The following METTL15 variants were observed in gnomAD, a reference collection of about 807,000 sequenced individuals.
METTL15 encodes 12S rRNA N(4)-cytidine methyltransferase METTL15.
A neutral mutation model predicts 38.3 loss-of-function variants in METTL15; 34 were observed. That is an observed-to-expected ratio of 0.89 (90% CI 0.68 to 1.18). The LOEUF is 1.18. METTL15 is among the 50% of genes most tolerant of loss of function. The pLI is 0.00. For synonymous variants in METTL15, 162 were observed against 170.9 expected (o/e 0.95, Z 0.41); for missense variants, 438 against 498.4 (o/e 0.88, Z 1.15).
rs1200447601 is a variant in METTL15 at position 28,374,263 on chromosome 11, C to A, written c.*358+12227C>A. 2.0e-5 allele frequency among the ~76,000 whole-genome samples: 3 copies of A among 151,976 alleles called. No individual in the cohort carries two copies. The East Asian group carries it at 5.8e-4, about 29-fold the overall frequency. ...CTGTAAATTACCTTGGGCAGTATGG[C>A]CATTTTCAGGATACTGATTCTTCCT... On this transcript the variant is annotated intron_variant and NMD_transcript_variant, in intron 5 of 7. Coordinates refer to the METTL15 transcript ENST00000532947.
intron 6 of METTL15, among the ~76,000 whole-genome samples, chr11:28,307,659 A>T (rs527443888): frequency 6.6e-6 from 1 of 151,972 alleles, no homozygotes; most frequent in Non-Finnish European, 1.5e-5. Flanking sequence ...CAGTTTTCTC[A>T]TTAGCAAAGT....
chr11:28,280,950 C>T (rs558095041), intron 4 of METTL15, among the ~76,000 whole-genome samples: 1 of 152,076 alleles, frequency 6.6e-6, no homozygotes, highest in African/African-American at 2.4e-5. Context: ...ATCTTATAGT[C>T]CATTCTGATA....
intron 5 of METTL15, among the ~76,000 whole-genome samples, chr11:28,368,152 C>CAAAAAAAAAAA (rs572862749): frequency 9.2e-6 from 1 of 108,708 alleles, no homozygotes; most frequent in African/African-American, 3.4e-5. Flanking sequence ...ACAAAAAAAA[C>CAAAAAAAAAAA]AAAAAAAAAA....
At chr11:28,466,636 GCGGCTC>G (rs1282058583) in intron 6 of METTL15, among the ~76,000 whole-genome samples, 4 of 152,192 alleles carry the variant, frequency 2.6e-5, no homozygotes, top group African/African-American at 7.2e-5. Flanking sequence ...CTAAGGTGCT[GCGGCTC>G]CCTCGGTACA....
chr11:28,174,206 C>T (rs1365370836), intron 3 of METTL15, among the ~76,000 whole-genome samples: 3 of 152,024 alleles, frequency 2.0e-5, no homozygotes, highest in Non-Finnish European at 4.4e-5. Context: ...ATTTGTTTGT[C>T]CAATCTTTTA....
intron 4 of METTL15, among the ~76,000 whole-genome samples, chr11:28,240,139 TTAAA>T (rs1349857096): frequency 1.3e-5 from 2 of 152,154 alleles, no homozygotes; most frequent in Non-Finnish European, 2.9e-5. Flanking sequence ...CAAATATTCT[TTAAA>T]TAAAGCTGCC....
At chr11:28,398,075 C>A (rs552888397) in intron 5 of METTL15, among the ~76,000 whole-genome samples, 1 of 151,712 alleles carries the variant, frequency 6.6e-6, no homozygotes, top group African/African-American at 2.4e-5. Flanking sequence ...ATATCACACA[C>A]CAGGGCCTGT....
At chr11:28,480,001 C>T (rs986115983) in intron 6 of METTL15, among the ~76,000 whole-genome samples, 4 of 152,072 alleles carry the variant, frequency 2.6e-5, no homozygotes, top group Non-Finnish European at 5.9e-5. Context: ...TTGGCATTTT[C>T]ATCTACATTA....
intron 6 of METTL15, among the ~76,000 whole-genome samples, chr11:28,299,808 A>G (rs148707488): frequency 2.6e-5 from 4 of 152,252 alleles, no homozygotes; most frequent in Non-Finnish European, 5.9e-5. Context: ...TGAAATCAAG[A>G]TGTTAGAAGG....
chr11:28,244,634 T>C (rs889811668), intron 4 of METTL15, among the ~76,000 whole-genome samples: 1 of 152,200 alleles, frequency 6.6e-6, no homozygotes, highest in Non-Finnish European at 1.5e-5. Context: ...AGAACTACTG[T>C]ATCTATTATC....
intron 6 of METTL15, among the ~76,000 whole-genome samples, chr11:28,297,644 C>T (rs1416330529): frequency 1.3e-5 from 2 of 152,020 alleles, no homozygotes; most frequent in African/African-American, 4.8e-5. Flanking sequence ...AGCTGTGTTC[C>T]GTGATGAAAG....
intron 4 of METTL15, among the ~76,000 whole-genome samples, chr11:28,286,344 GGGTTTGAT>G (rs774462101): frequency 5.9e-5 from 9 of 152,090 alleles, no homozygotes; most frequent in Non-Finnish European, 1.2e-4. Context: ...ACATAAGTTA[GGGTTTGAT>G]TAAATAACTG....
chr11:28,515,618 CA>C (rs1395338667), intron 6 of METTL15, among the ~76,000 whole-genome samples: 1 of 152,156 alleles, frequency 6.6e-6, no homozygotes, highest in African/African-American at 2.4e-5. Context: ...GCCTACTTTG[CA>C]CTATAAAGGC....
At chr11:28,194,122 A>ATCTATCTTTCTTTCTT (rs1554995563) in intron 3 of METTL15, among the ~76,000 whole-genome samples, 11 of 99,168 alleles carry the variant, frequency 1.1e-4, no homozygotes, top group African/African-American at 3.6e-4. Context: ...TTGATGGTTG[A>ATCTATCTTTCTTTCTT]TCTTTCTTTC....
At chr11:28,363,757 A>G (rs1850161630) in intron 5 of METTL15, among the ~76,000 whole-genome samples, 2 of 152,150 alleles carry the variant, frequency 1.3e-5, no homozygotes, top group South Asian at 2.1e-4. Flanking sequence ...TATCTTTGCC[A>G]AAGCCAATGT....
intron 3 of METTL15, among the ~76,000 whole-genome samples, chr11:28,202,711 A>G (rs897796959): frequency 3.3e-5 from 5 of 152,152 alleles, no homozygotes; most frequent in Non-Finnish European, 7.4e-5. Flanking sequence ...TTTTTTCAAA[A>G]GCACTTCAAT....
intron 5 of METTL15, among the ~76,000 whole-genome samples, chr11:28,371,308 G>A (rs532528349): frequency 5.9e-5 from 9 of 151,912 alleles, no homozygotes; most frequent in South Asian, 2.1e-4. Context: ...GTATGTTCTC[G>A]GCACCTTTGT....
intron 5 of METTL15, among the ~76,000 whole-genome samples, chr11:28,406,105 A>C (rs779998115): frequency 2.0e-5 from 3 of 152,174 alleles, no homozygotes; most frequent in Non-Finnish European, 2.9e-5. Flanking sequence ...TTTTTGGTCC[A>C]TATGAATTTT....
chr11:28,205,448 A>G (rs1852292064), intron 3 of METTL15, among the ~76,000 whole-genome samples: 1 of 151,970 alleles, frequency 6.6e-6, no homozygotes, highest in East Asian at 1.9e-4. Context: ...ATCTTTTTTT[A>G]TGGCTGCATA....
Sources: allele counts gnomAD v4.1 joint callset (sites outside exome capture counted in the v4.1 genomes callset), GRCh38; gene constraint gnomAD v4.1.1; transcripts MANE v1.5; gene names NCBI Gene and HGNC (gene_info 2026-07-23, HGNC 2026-07-21).